The following GPC5 variants were observed in gnomAD, a reference collection of about 807,000 sequenced individuals.
GPC5 encodes the protein glypican-5.
Under a neutral mutation model 53.9 loss-of-function variants are expected in GPC5, and 47 were observed. That is an observed-to-expected ratio of 0.87 (90% CI 0.69 to 1.11). GPC5 has a LOEUF of 1.11. GPC5 is among the 50% of genes most tolerant of loss of function. The pLI is 0.00. For missense variants in GPC5, 748 were observed against 713.1 expected (o/e 1.05, Z -0.56); for synonymous variants, 286 against 263.3 (o/e 1.09, Z -0.84).
intron 7 of GPC5, among the ~76,000 whole-genome samples, chr13:92,276,223 C>T (rs562160159): frequency 1.3e-5 from 2 of 152,218 alleles, no homozygotes; most frequent in East Asian, 3.9e-4. Context: ...CATACTGTCA[C>T]ACAAATCACT....
chr13:91,790,915 C>G (rs1481910382), intron 5 of GPC5, among the ~76,000 whole-genome samples: 1 of 152,046 alleles, frequency 6.6e-6, no homozygotes, highest in South Asian at 2.1e-4. Flanking sequence ...ACTCCATACC[C>G]GTGTTTCTCC....
intron 5 of GPC5, among the ~76,000 whole-genome samples, chr13:91,887,437 G>T (rs2039336517): frequency 1.3e-5 from 2 of 152,170 alleles, no homozygotes; most frequent in Admixed American, 1.3e-4. Context: ...TTTTCTCATT[G>T]TCCTGGTGAT....
At chr13:92,761,301 G>A (rs1875165788) in intron 7 of GPC5, among the ~76,000 whole-genome samples, 1 of 152,060 alleles carries the variant, frequency 6.6e-6, no homozygotes, top group Non-Finnish European at 1.5e-5. Context: ...ACAAGTAGAT[G>A]GGCCTATAGG....
intron 7 of GPC5, among the ~76,000 whole-genome samples, chr13:92,519,949 C>T (rs1043790196): frequency 1.3e-5 from 2 of 152,046 alleles, no homozygotes; most frequent in Non-Finnish European, 2.9e-5. Flanking sequence ...AAGGGGATAT[C>T]ACCACCGATC....
intron 6 of GPC5, among the ~76,000 whole-genome samples, chr13:92,035,409 C>T (rs2040885216): frequency 6.6e-6 from 1 of 152,000 alleles, no homozygotes; most frequent in Non-Finnish European, 1.5e-5. Context: ...TTTTATTTTG[C>T]TTTTACACAC....
chr13:92,676,542 A>G (rs906231552), intron 7 of GPC5, among the ~76,000 whole-genome samples: 2 of 152,154 alleles, frequency 1.3e-5, no homozygotes, highest in Non-Finnish European at 2.9e-5. Flanking sequence ...GTGAATAACA[A>G]TAAGAAGTAT....
intron 2 of GPC5, among the ~76,000 whole-genome samples, chr13:91,611,215 C>G (rs1038124287): frequency 1.3e-5 from 2 of 152,078 alleles, no homozygotes; most frequent in African/African-American, 4.8e-5. Flanking sequence ...CAAATGAAAA[C>G]TAGTACAAGA....
intron 6 of GPC5, among the ~76,000 whole-genome samples, chr13:92,075,248 C>T (rs1407444659): frequency 6.6e-6 from 1 of 152,114 alleles, no homozygotes; most frequent in Non-Finnish European, 1.5e-5. Flanking sequence ...AGATTCTCAT[C>T]TCAAGCAAAA....
intron 4 of GPC5, among the ~76,000 whole-genome samples, chr13:91,755,970 A>G (rs997390858): frequency 7.9e-5 from 12 of 151,938 alleles, no homozygotes; most frequent in African/African-American, 2.9e-4. Context: ...TTCTTTATGC[A>G]TCAGTATATA....
intron 7 of GPC5, among the ~76,000 whole-genome samples, chr13:92,743,913 C>A (rs1315923075): frequency 6.6e-6 from 1 of 152,078 alleles, no homozygotes; most frequent in African/African-American, 2.4e-5. Flanking sequence ...GTTGAACCAG[C>A]CTTGCACTGT....
chr13:92,140,129 A>C (rs1220583787), intron 6 of GPC5, among the ~76,000 whole-genome samples: 1 of 152,212 alleles, frequency 6.6e-6, no homozygotes, highest in African/African-American at 2.4e-5. Context: ...TAAGTAGATA[A>C]AATAAGAAAA....
intron 7 of GPC5, among the ~76,000 whole-genome samples, chr13:92,820,573 GCCTTCGTTATCTGA>G (rs1227649706): frequency 6.6e-6 from 1 of 151,900 alleles, no homozygotes; most frequent in African/African-American, 2.4e-5. Context: ...AACTCACAAC[GCCTTCGTTATCTGA>G]CCTTCACTAA....
At chr13:92,303,838 G>T (rs570858192) in intron 7 of GPC5, among the ~76,000 whole-genome samples, 1 of 152,270 alleles carries the variant, frequency 6.6e-6, no homozygotes, top group African/African-American at 2.4e-5. Context: ...ATTTGGGCTG[G>T]GTCCTGGGAC....
intron 2 of GPC5, among the ~76,000 whole-genome samples, chr13:91,566,873 C>T (rs2031555475): frequency 6.7e-6 from 1 of 150,318 alleles, no homozygotes; most frequent in South Asian, 2.1e-4. Flanking sequence ...AGTAAATATT[C>T]ATCAAAATAA....
intron 5 of GPC5, among the ~76,000 whole-genome samples, chr13:91,907,503 T>TTTA (rs1555296011): frequency 2.3e-5 from 3 of 129,554 alleles, no homozygotes; most frequent in African/African-American, 8.9e-5. Flanking sequence ...CTCTCTCTCT[T>TTTA]TATATATATA....
chr13:92,780,921 C>T (rs1459406102), intron 7 of GPC5, among the ~76,000 whole-genome samples: 3 of 152,034 alleles, frequency 2.0e-5, no homozygotes, highest in Non-Finnish European at 4.4e-5. Context: ...TTTTATAAAT[C>T]AGTATCTTCA....
chr13:91,912,486 G>T (rs2039618693), intron 6 of GPC5, among the ~76,000 whole-genome samples: 1 of 152,000 alleles, frequency 6.6e-6, no homozygotes, highest in South Asian at 2.1e-4. Context: ...ACAAGAGAAG[G>T]CATCTAGGCT....
chr13:92,008,628 TTTAA>T (rs2040632423), intron 6 of GPC5, among the ~76,000 whole-genome samples: 1 of 152,166 alleles, frequency 6.6e-6, no homozygotes, highest in Non-Finnish European at 1.5e-5. Context: ...TTTCTTCTGG[TTTAA>T]TTAAGCGGTT....
At chr13:92,007,495 A>G (rs958897230) in intron 6 of GPC5, among the ~76,000 whole-genome samples, 1 of 152,138 alleles carries the variant, frequency 6.6e-6, no homozygotes, top group Non-Finnish European at 1.5e-5. Context: ...CCACATAATA[A>G]TATATATTTT....
Sources: allele counts gnomAD v4.1 joint callset (sites outside exome capture counted in the v4.1 genomes callset), GRCh38; gene constraint gnomAD v4.1.1; transcripts MANE v1.5; gene names NCBI Gene and HGNC (gene_info 2026-07-23, HGNC 2026-07-21).